SDK1: variants seen among roughly 807,000 people sequenced by gnomAD.
The protein encoded by SDK1 is protein sidekick-1.
SDK1 carries 157 observed loss-of-function variants against 245.5 expected under a neutral mutation model. The observed-to-expected ratio is 0.64, with a 90% CI of 0.56 to 0.73. The LOEUF (loss-of-function observed/expected upper bound fraction) is 0.73. SDK1 is among the 30% of genes least tolerant of loss of function. The pLI, the probability that SDK1 is intolerant of heterozygous loss-of-function variation, is 0.00. For missense variants in SDK1, 3,583 were observed against 3,002.3 expected (o/e 1.19, Z -4.52); for synonymous variants, 1,647 against 1,278.5 (o/e 1.29, Z -6.15).
intron 5 of SDK1, among the ~76,000 whole-genome samples, chr7:3,872,326 T>C (rs1292056180): frequency 6.6e-6 from 1 of 152,150 alleles, no homozygotes; most frequent in Non-Finnish European, 1.5e-5. Flanking sequence ...TGAGAAGTAT[T>C]CCCTTCTCTT....
chr7:4,102,781 G>A (rs1365723612), intron 22 of SDK1, among the ~76,000 whole-genome samples: 1 of 152,150 alleles, frequency 6.6e-6, no homozygotes, highest in Non-Finnish European at 1.5e-5. Flanking sequence ...AGACCTGGGA[G>A]TGGGCAAGCT....
chr7:4,225,003 AAAAAAAAAAAAAAAG>A, intron 40 of SDK1, among the ~76,000 whole-genome samples: 1 of 146,736 alleles, frequency 6.8e-6, no homozygotes, highest in Admixed American at 6.7e-5. Flanking sequence ...AAAAAAAAAA[AAAAAAAAAAAAAAAG>A]ACACCCGCAC....
At chr7:3,713,616 G>A (rs555161550) in intron 4 of SDK1, among the ~76,000 whole-genome samples, 2 of 152,208 alleles carry the variant, frequency 1.3e-5, no homozygotes, top group Admixed American at 6.5e-5. Flanking sequence ...TCAAGAATAC[G>A]TCAGTTCTGT....
chr7:4,073,221 C>A (rs1780375614), intron 20 of SDK1, among the ~76,000 whole-genome samples: 1 of 152,068 alleles, frequency 6.6e-6, no homozygotes, highest in Non-Finnish European at 1.5e-5. Context: ...GCCAGCACTG[C>A]CTGAGCCCTC....
intron 1 of SDK1, among the ~76,000 whole-genome samples, chr7:3,344,265 A>G (rs188945322): frequency 5.5e-4 from 84 of 152,336 alleles, no homozygotes; most frequent in Admixed American, 2.2e-3. Flanking sequence ...AATATATCCT[A>G]ATTTTTCATC....
intron 7 of SDK1, among the ~76,000 whole-genome samples, chr7:3,952,268 C>T (rs191378687): frequency 2.6e-5 from 4 of 152,284 alleles, no homozygotes; most frequent in Admixed American, 6.5e-5. Context: ...CTATCGTGAT[C>T]GGTGTTCAGA....
At chr7:3,955,919 G>A (rs1002001939) in intron 7 of SDK1, among the ~76,000 whole-genome samples, 2 of 152,202 alleles carry the variant, frequency 1.3e-5, no homozygotes, top group African/African-American at 4.8e-5. Context: ...AGACTGGGGA[G>A]CTAGAAGCTT....
In SDK1 at chr7:3,453,102, A is replaced by C. The variant is rs200920684; in HGVS notation, c.298+151218A>C. ...CAGCACCATTGGTACCCATCCTGCC[A>C]CTGGTGTCTAGAACTTTGAGCAGTT... is the stretch of plus-strand genomic sequence containing the variant. On this transcript the variant is annotated intron_variant, in intron 1 of 44. Transcript: ENST00000404826. Among the ~76,000 whole-genome samples, 34 of 152,166 alleles carry C rather than the reference A, an allele frequency of 2.2e-4. No individual in the cohort carries two copies. The East Asian group carries it at 6.2e-3, about 28-fold the overall frequency.
At chr7:4,076,515 CA>C (rs1780688450) in intron 20 of SDK1, among the ~76,000 whole-genome samples, 1 of 152,182 alleles carries the variant, frequency 6.6e-6, no homozygotes, top group African/African-American at 2.4e-5. Flanking sequence ...ATGATTGCAC[CA>C]TTGCACTTCA....
At position 3,314,583 on chromosome 7, in the gene SDK1, A is replaced by T. The variant is rs1208611433; in HGVS notation, c.298+12699A>T. ...TGTGGCAACTTGATATGATTGGTTG[A>T]TGCTCATCAATTCCTGAATTTTGAA... On this transcript the variant is annotated intron_variant, in intron 1 of 44. Coordinates refer to ENST00000404826, the MANE Select transcript of SDK1 (RefSeq NM_152744.4). Among the ~76,000 whole-genome samples, 12 of 152,342 alleles carry T rather than the reference A, an allele frequency of 7.9e-5. No individual in the cohort carries two copies. The East Asian group carries it at 2.1e-3, about 27-fold the overall frequency.
At chr7:3,651,579 A>G (rs1783015617) in intron 4 of SDK1, among the ~76,000 whole-genome samples, 1 of 152,212 alleles carries the variant, frequency 6.6e-6, no homozygotes. Context: ...AGAGTAATCA[A>G]TAGACGTCCG....
chr7:3,456,068 C>G (rs923361604), intron 1 of SDK1, among the ~76,000 whole-genome samples: 2 of 152,156 alleles, frequency 1.3e-5, no homozygotes, highest in African/African-American at 4.8e-5. Context: ...ACCTTCTGGT[C>G]TCCATGGTTT....
At chr7:3,321,420 C>G (rs1055276457) in intron 1 of SDK1, among the ~76,000 whole-genome samples, 4 of 152,148 alleles carry the variant, frequency 2.6e-5, no homozygotes, top group East Asian at 1.9e-4. Context: ...GCTCTAGAGA[C>G]TCAGCCTAGG....
intron 5 of SDK1, among the ~76,000 whole-genome samples, chr7:3,839,256 C>T (rs1180923964): frequency 6.6e-6 from 1 of 152,134 alleles, no homozygotes; most frequent in Non-Finnish European, 1.5e-5. Flanking sequence ...CCTGTAGAAC[C>T]CTTTGCTTTC....
chr7:3,403,373 G>T (rs1046872180), intron 1 of SDK1, among the ~76,000 whole-genome samples: 48 of 152,112 alleles, frequency 3.2e-4, no homozygotes, highest in African/African-American at 1.1e-3. Flanking sequence ...GGTGGGAAAT[G>T]AATTTTGGAG....
At position 3,991,504 on chromosome 7, in the gene SDK1, C is replaced by T. The variant is rs186490338; in HGVS notation, c.2131+4182C>T. Among the ~76,000 whole-genome samples, 590 of 152,284 alleles carry T rather than the reference C, an allele frequency of 3.9e-3. 11 individuals are homozygous for T. The South Asian group carries it at 0.053, about 14-fold the overall frequency. ...AACCCCTTCAGGGCAGGTGGGGTCC[C>T]TGTGTTGGTCCTCTGTGCTGTGACA... On this transcript the variant is annotated intron_variant, in intron 14 of 44. Transcript: ENST00000404826.
At chr7:4,214,764 T>C (rs1784696389) in intron 38 of SDK1, among the ~76,000 whole-genome samples, 1 of 152,118 alleles carries the variant, frequency 6.6e-6, no homozygotes, top group Non-Finnish European at 1.5e-5. Context: ...ACATGAGGCG[T>C]CCAGCCCCCA....
At chr7:4,251,145 G>A (rs1376750882) in intron 44 of SDK1, among the ~76,000 whole-genome samples, 2 of 152,124 alleles carry the variant, frequency 1.3e-5, no homozygotes, top group Non-Finnish European at 2.9e-5. Flanking sequence ...TATATGGGGG[G>A]AAATTCCATT....
At chr7:3,642,347 C>T (rs1782676275) in intron 4 of SDK1, among the ~76,000 whole-genome samples, 2 of 152,202 alleles carry the variant, frequency 1.3e-5, no homozygotes, top group Non-Finnish European at 1.5e-5. Flanking sequence ...AAAACTAAAG[C>T]AGCCTTACCC....
Sources: gnomAD v4.1 joint callset for allele counts (sites outside exome capture counted in the v4.1 genomes callset) on GRCh38, gnomAD v4.1.1 for gene constraint, MANE v1.5 for transcripts, NCBI Gene and HGNC (gene_info 2026-07-23, HGNC 2026-07-21) for gene names.